The following KIF18A variants were observed in gnomAD, a reference collection of about 807,000 sequenced individuals.
KIF18A encodes kinesin-like protein KIF18A.
In KIF18A, 67 loss-of-function variants were observed where a neutral mutation model predicts 103.3. That is an observed-to-expected ratio of 0.65 (90% confidence interval 0.53 to 0.79). The LOEUF (loss-of-function observed/expected upper bound fraction) is 0.79, where lower values mean the gene tolerates loss of function less well. Among genes scored for constraint, KIF18A ranks in the 30% least tolerant of loss-of-function variants. The pLI is 0.00. For missense variants in KIF18A, 1,032 were observed against 1,062.5 expected (o/e 0.97, Z 0.40); for synonymous variants, 367 against 355.5 (o/e 1.03, Z -0.36).
At chr11:28,032,547 G>T (rs375823414) in intron 15 of KIF18A, among the ~76,000 whole-genome samples, 71 of 151,730 alleles carry the variant, frequency 4.7e-4, no homozygotes, top group African/African-American at 1.6e-3. Flanking sequence ...AGAATAGAGA[G>T]CCCCAAAATA....
At position 28,097,824 on chromosome 11, in the gene KIF18A, G is replaced by C; in HGVS notation, c.124C>G (p.Leu42Val). The C allele has an allele frequency of 3.1e-6, 5 of 1,613,172 alleles. No homozygotes were observed. The highest frequency in any genetic ancestry group is 4.2e-6 in the Non-Finnish European group (5 of 1,179,408). The change falls in exon 2 of 17, where the codon CTA becomes GTA. Residue 42 changes from leucine to valine, a missense_variant. Coordinates refer to ENST00000263181, the MANE Select transcript of KIF18A (RefSeq NM_031217.4). ...KVVHVVDKHILVFDPKQEEVS... is the reference protein window; with the variant it reads ...KVVHVVDKHIVVFDPKQEEVS... ...TCTTCTTGTTTGGGATCAAAAACTA[G>C]GATATGTTTATCCACAACATGAACC... is the stretch of plus-strand genomic sequence containing the variant.
chr11:28,049,442 CAA>C (rs1222768106), intron 13 of KIF18A, among the ~76,000 whole-genome samples: 1 of 151,836 alleles, frequency 6.6e-6, no homozygotes, highest in Non-Finnish European at 1.5e-5. Context: ...AGTAATTTAT[CAA>C]AAGTTTAAGA....
intron 1 of KIF18A, among the ~76,000 whole-genome samples, chr11:28,101,135 CTTAGAACTGCCCTGTTATAGGGCAT>C (rs1237665642): frequency 1.3e-5 from 2 of 152,062 alleles, no homozygotes; most frequent in South Asian, 2.1e-4. Context: ...TTCTTCCTTG[CTTAGAACTGCCCTGTTATAGGGCAT>C]TTAGAACTGC....
intron 13 of KIF18A, among the ~76,000 whole-genome samples, chr11:28,037,146 T>C (rs1450672246): frequency 2.0e-5 from 3 of 151,590 alleles, no homozygotes; most frequent in African/African-American, 7.2e-5. Flanking sequence ...TATATGAGTA[T>C]ACTGGGTGAT....
intron 13 of KIF18A, among the ~76,000 whole-genome samples, chr11:28,051,219 TAGACAAAGCAAAGAATATTTTTC>T (rs1418458358): frequency 1.3e-5 from 2 of 151,814 alleles, no homozygotes; most frequent in African/African-American, 4.8e-5. Flanking sequence ...ATTCATTTCC[TAGACAAAGCAAAGAATATTTTTC>T]AGACAAAGAA....
intron 15 of KIF18A, among the ~76,000 whole-genome samples, chr11:28,033,061 C>T (rs1400034760): frequency 2.6e-5 from 4 of 151,472 alleles, no homozygotes; most frequent in Non-Finnish European, 5.9e-5. Context: ...AAAGAATAGA[C>T]ATTTCTCAAA....
chr11:28,105,885 C>G (rs1166187734), intron 1 of KIF18A, among the ~76,000 whole-genome samples: 2 of 152,216 alleles, frequency 1.3e-5, no homozygotes, highest in African/African-American at 2.4e-5. Context: ...TGACATTCGT[C>G]ATTGCATTCA....
At chr11:28,088,851 C>T in intron 5 of KIF18A, 130 bp from the exon 6 acceptor site, 1 of 704,502 alleles carries the variant, frequency 1.4e-6, no homozygotes. Flanking sequence ...AAGGTATAAT[C>T]TAATTGATAT....
rs575057412 is a variant in KIF18A, at chr11:28,028,260, T to C, written c.2505-4410A>G. Among the ~76,000 whole-genome samples the C allele has an allele frequency of 5.3e-5, 8 of 152,144 alleles. No individual in the cohort carries two copies. In the South Asian group the frequency reaches 1.5e-3, roughly 28 times the overall value. ...GCACCACACTGCACTTATTCCAAAA[T>C]TGACCACATAGTTGGAAGTAAAGCA... On this transcript the variant is annotated intron_variant, in intron 15 of 16. Coordinates refer to ENST00000263181, the MANE Select transcript of KIF18A (RefSeq NM_031217.4).
intron 10 of KIF18A, among the ~76,000 whole-genome samples, chr11:28,074,939 T>C (rs1851070499): frequency 6.6e-6 from 1 of 152,142 alleles, no homozygotes; most frequent in South Asian, 2.1e-4. Context: ...GGGAGAATTG[T>C]CAGTATTTTC....
chr11:28,054,932 G>A (rs546853152), intron 13 of KIF18A, among the ~76,000 whole-genome samples: 3 of 152,242 alleles, frequency 2.0e-5, no homozygotes, highest in East Asian at 3.9e-4. Context: ...TATACTGTAT[G>A]TGAAATATAG....
intron 11 of KIF18A, among the ~76,000 whole-genome samples, chr11:28,062,917 T>C (rs1223178712): frequency 2.0e-5 from 3 of 152,060 alleles, no homozygotes; most frequent in Admixed American, 6.6e-5. Context: ...ATTTACTCTA[T>C]TGATGAGTAA....
rs1228345993 is a variant in KIF18A at position 28,034,906 on chromosome 11, C to T, written c.2504+481G>A. Among the ~76,000 whole-genome samples, 5 of 151,616 alleles carry T rather than the reference C, an allele frequency of 3.3e-5. 1 individual carries two copies. Among genetic ancestry groups the T allele is most frequent in the Non-Finnish European group, 7.4e-5 (5 of 67,768 alleles). On this transcript the variant is annotated intron_variant, in intron 15 of 16. Transcript: ENST00000263181. Reference sequence around the variant, plus strand: ...TTGGTTCTATTTTATGCACTTTTTACAACTGTTCTTGATAGGTAGCTTGGT... The same window carrying T: ...TTGGTTCTATTTTATGCACTTTTTATAACTGTTCTTGATAGGTAGCTTGGT...
chr11:28,095,239 C>T (rs1009828779), intron 2 of KIF18A, among the ~76,000 whole-genome samples: 1 of 152,226 alleles, frequency 6.6e-6, no homozygotes, highest in African/African-American at 2.4e-5. Flanking sequence ...ATTTTGCCAG[C>T]CTACTGCTTC....
intron 15 of KIF18A, among the ~76,000 whole-genome samples, chr11:28,032,310 T>A (rs984853106): frequency 6.6e-6 from 1 of 151,866 alleles, no homozygotes; most frequent in African/African-American, 2.4e-5. Flanking sequence ...GTCTACAGAA[T>A]CAATGCAATC....
At chr11:28,030,280 A>C (rs1850377736) in intron 15 of KIF18A, among the ~76,000 whole-genome samples, 1 of 151,968 alleles carries the variant, frequency 6.6e-6, no homozygotes. Context: ...ACTTCAAACT[A>C]TACTACAAGG....
chr11:28,059,590 C>T (rs1384489691), intron 12 of KIF18A, among the ~76,000 whole-genome samples: 1 of 152,046 alleles, frequency 6.6e-6, no homozygotes, highest in South Asian at 2.1e-4. Context: ...TGCCACTACA[C>T]TGACTAATTT....
At chr11:28,101,789 T>C (rs945585699) in intron 1 of KIF18A, among the ~76,000 whole-genome samples, 1 of 152,162 alleles carries the variant, frequency 6.6e-6, no homozygotes, top group African/African-American at 2.4e-5. Context: ...TTTATAAGAC[T>C]ATAATGAGGG....
intron 13 of KIF18A, among the ~76,000 whole-genome samples, chr11:28,058,124 TTTC>T (rs1850805919): frequency 1.3e-5 from 2 of 152,284 alleles, no homozygotes; most frequent in South Asian, 4.1e-4. Flanking sequence ...TCTGAATTTT[TTTC>T]TTAACTAAGA....
Sources: gnomAD v4.1 joint callset for allele counts (sites outside exome capture counted in the v4.1 genomes callset) on GRCh38, gnomAD v4.1.1 for gene constraint, MANE v1.5 for transcripts, NCBI Gene and HGNC (gene_info 2026-07-23, HGNC 2026-07-21) for gene names.